The following HNRNPA2B1 variants were observed in gnomAD, a reference collection of about 807,000 sequenced individuals.
HNRNPA2B1 encodes heterogeneous nuclear ribonucleoprotein A2/B1.
A neutral mutation model predicts 46.3 loss-of-function variants in HNRNPA2B1; 3 were observed. The observed-to-expected ratio is 0.06, with a 90% CI of 0.03 to 0.17. The LOEUF is 0.17. Among genes scored for constraint, HNRNPA2B1 ranks in the 10% least tolerant of loss-of-function variants. The pLI is 1.00. For synonymous variants in HNRNPA2B1, 225 were observed against 133.8 expected (o/e 1.68, Z -4.70); for missense variants, 221 against 418.9 (o/e 0.53, Z 4.12).
At chr7:26,197,038 A>G in intron 3 of HNRNPA2B1, 21 bp from the exon 4 acceptor site, 2 of 1,573,298 alleles carry the variant, frequency 1.3e-6, no homozygotes, top group South Asian at 1.1e-5. Flanking sequence ...GGTGGGGTAA[A>G]AGTCATCCAA....
rs146346849 is a variant in HNRNPA2B1 at position 26,200,708 on chromosome 7, G to T, written c.-131C>A. 2 of 1,163,560 alleles carry T rather than the reference G, an allele frequency of 1.7e-6. No homozygotes were observed. Among genetic ancestry groups the T allele is most frequent in the African/African-American group, 1.5e-5 (1 of 66,466 alleles). 72.1% of individuals were successfully genotyped at this position (1,163,560 alleles called of 1,614,324 possible). ...GCCGCTGCTCGAGAAACAACTCTGCGAGGAGCACCTCCGCACGGGACCCGG... is the reference window on the plus strand; with the variant it reads ...GCCGCTGCTCGAGAAACAACTCTGCTAGGAGCACCTCCGCACGGGACCCGG... On this transcript the variant is annotated 5_prime_UTR_variant, in exon 1 of 11. Transcript: ENST00000618183.
At chr7:26,193,897 GCA>G (rs1414228935) in intron 7 of HNRNPA2B1, among the ~76,000 whole-genome samples, 5 of 152,142 alleles carry the variant, frequency 3.3e-5, no homozygotes, top group Non-Finnish European at 7.4e-5. Flanking sequence ...AACACCATGT[GCA>G]CACAGTTAAA....
rs896564745 is a variant in HNRNPA2B1, at chr7:26,190,975, A to G, written c.*1385T>C. ...AAATCTCATGATTTATTGAACTTGCAGCCTAACTTTTACCTACCATTTTAC... is the reference window on the plus strand; with the variant it reads ...AAATCTCATGATTTATTGAACTTGCGGCCTAACTTTTACCTACCATTTTAC... On this transcript the variant is annotated 3_prime_UTR_variant, in exon 11 of 11. Coordinates refer to ENST00000618183, the MANE Select transcript of HNRNPA2B1 (RefSeq NM_002137.4). The G allele has an allele frequency of 8.5e-5, 13 of 152,738 alleles. No homozygotes were observed. Among genetic ancestry groups the G allele is most frequent in the African/African-American group, 3.1e-4 (13 of 41,580 alleles). 9.5% of individuals were successfully genotyped at this position (152,738 alleles called of 1,614,324 possible). A position where few individuals can be genotyped will look rare whatever the true frequency, so the allele number is the denominator to read the frequency against.
chr7:26,191,638 G>A lies in HNRNPA2B1; in HGVS notation c.*722C>T, dbSNP rs1482727192. The A allele has an allele frequency of 1.3e-5, 2 of 152,134 alleles. No homozygotes were observed. Among genetic ancestry groups the A allele is most frequent in the Admixed American group, 1.3e-4 (2 of 15,272 alleles). 9.4% of individuals were successfully genotyped at this position (152,134 alleles called of 1,614,324 possible). ...TTCCTTTCCTTGCATTGAAGAAGCAGCATCTAAAAGATCTAAAAAGGTGTT... is the reference window on the plus strand; with the variant it reads ...TTCCTTTCCTTGCATTGAAGAAGCAACATCTAAAAGATCTAAAAAGGTGTT... On this transcript the variant is annotated 3_prime_UTR_variant, in exon 11 of 11. Coordinates refer to ENST00000618183, the MANE Select transcript of HNRNPA2B1 (RefSeq NM_002137.4).
At chr7:26,198,534 T>A (rs1233613151) in intron 1 of HNRNPA2B1, 1 of 152,066 alleles carries the variant, frequency 6.6e-6, no homozygotes, top group African/African-American at 2.4e-5. Flanking sequence ...TCACGTGGCA[T>A]AATCTCTAAG....
chr7:26,190,303 G>GT lies in HNRNPA2B1; in HGVS notation c.*2056dup, dbSNP rs1243203934. On this transcript the variant is annotated 3_prime_UTR_variant, in exon 11 of 11. Transcript: ENST00000618183. ...TTTATATCAAGAACCTCAACTAAAT[G>GT]TTTGTTTTATCAGAAAACATTTCCC... The GT allele has an allele frequency of 3.3e-5, 5 of 152,574 alleles. No homozygotes were observed. In the East Asian group the frequency reaches 7.7e-4, roughly 24 times the overall value. 9.5% of individuals were successfully genotyped at this position (152,574 alleles called of 1,614,324 possible). A position where few individuals can be genotyped will look rare whatever the true frequency, so the allele number is the denominator to read the frequency against.
intron 10 of HNRNPA2B1, 49 bp downstream of exon 10, chr7:26,192,446 G>C (rs376066830): frequency 1.6e-6 from 2 of 1,255,024 alleles, no homozygotes; most frequent in African/African-American, 1.5e-5. Context: ...TACTCCTGCA[G>C]CTATGTCTCC....
chr7:26,193,230 A>G (rs1783114354), intron 9 of HNRNPA2B1, 21 bp downstream of exon 9: 1 of 1,602,730 alleles, frequency 6.2e-7, no homozygotes, highest in East Asian at 2.2e-5. Context: ...AATCTGAATA[A>G]CCTCAATTTT....
At chr7:26,192,449 A>G (rs1406934694) in intron 10 of HNRNPA2B1, 46 bp downstream of exon 10, 15 of 1,283,518 alleles carry the variant, frequency 1.2e-5, no homozygotes, top group Non-Finnish European at 1.7e-5. Context: ...TCCTGCAGCT[A>G]TGTCTCCCAA....
chr7:26,200,460 A>C, intron 1 of HNRNPA2B1, 112 bp downstream of exon 1: 1 of 1,060,356 alleles, frequency 9.4e-7, no homozygotes, highest in East Asian at 2.4e-5. Context: ...CTGCTACTGA[A>C]TTGGTCCGAT....
intron 1 of HNRNPA2B1, 120 bp downstream of exon 1, chr7:26,200,452 G>A (rs1784301361): frequency 1.6e-5 from 16 of 977,930 alleles, no homozygotes; most frequent in South Asian, 6.4e-5. Flanking sequence ...AAGCCCCACT[G>A]CTACTGAATT....
chr7:26,191,317 CTA>C lies in HNRNPA2B1; in HGVS notation c.*1041_*1042del, dbSNP rs951870265. 1 of 151,988 alleles carries C rather than the reference CTA, an allele frequency of 6.6e-6. No homozygotes were observed. Among genetic ancestry groups the C allele is most frequent in the African/African-American group, 2.4e-5 (1 of 41,372 alleles). 9.4% of individuals were successfully genotyped at this position (151,988 alleles called of 1,614,324 possible). On this transcript the variant is annotated 3_prime_UTR_variant, in exon 11 of 11. Transcript: ENST00000618183. ...ATAAATTGTTAAACTCAATTTATAG[CTA>C]TGTTAAACTACGTAAGAACCACTAT...
At chr7:26,196,692 AATC>A in intron 4 of HNRNPA2B1, 34 bp from the exon 5 acceptor site, 2 of 1,585,854 alleles carry the variant, frequency 1.3e-6, no homozygotes, top group Admixed American at 1.7e-5. Flanking sequence ...TTTTAAATTA[AATC>A]AACAATATTA....
intron 1 of HNRNPA2B1, chr7:26,198,132 G>C: frequency 9.3e-6 from 3 of 320,888 alleles, no homozygotes; most frequent in Admixed American, 4.8e-5. Flanking sequence ...ACCTAAAAAC[G>C]CAAATTTCTA....
chr7:26,199,258 T>G (rs1206605578), intron 1 of HNRNPA2B1: 1 of 152,612 alleles, frequency 6.6e-6, no homozygotes, highest in African/African-American at 2.4e-5. Flanking sequence ...TAAACGTGCT[T>G]AGGGTCAAAG....
At chr7:26,194,756 C>A (rs1783324586) in intron 7 of HNRNPA2B1, among the ~76,000 whole-genome samples, 1 of 148,198 alleles carries the variant, frequency 6.7e-6, no homozygotes, top group African/African-American at 2.5e-5. Context: ...GAAGTGCGGA[C>A]ATAAACAAAA....
chr7:26,190,370 G>A lies in HNRNPA2B1; in HGVS notation c.*1990C>T, dbSNP rs1247121429. 4 of 152,480 alleles carry A rather than the reference G, an allele frequency of 2.6e-5. No individual in the cohort carries two copies. Among genetic ancestry groups the A allele is most frequent in the Non-Finnish European group, 5.9e-5 (4 of 67,992 alleles). 9.4% of individuals were successfully genotyped at this position (152,480 alleles called of 1,614,324 possible). ...GCTTTTTAAATGAAGGCACCAACAA[G>A]AACTACTTTCAGATGGTACAGAATT... On this transcript the variant is annotated 3_prime_UTR_variant, in exon 11 of 11. Coordinates refer to ENST00000618183, the MANE Select transcript of HNRNPA2B1 (RefSeq NM_002137.4).
chr7:26,195,191 A>G (rs1583981329), intron 7 of HNRNPA2B1, among the ~76,000 whole-genome samples: 2 of 151,746 alleles, frequency 1.3e-5, no homozygotes, highest in African/African-American at 4.8e-5. Context: ...AGCTTCCTCT[A>G]AAATTTTAAT....
Position 26,195,636 on chromosome 7 carries a change from C to T in HNRNPA2B1, c.721+211G>A, listed in dbSNP as rs1783495823. ...AAAGATGAGATACTCTGATGGTTAT[C>T]TTTACATTTTCATTTAAAATGGCAC... On this transcript the variant is annotated intron_variant, in intron 7 of 10. Coordinates refer to ENST00000618183, the MANE Select transcript of HNRNPA2B1 (RefSeq NM_002137.4). The T allele has an allele frequency of 5.5e-6, 3 of 543,360 alleles. No homozygotes were observed. The South Asian group carries it at 7.2e-5, about 13-fold the overall frequency. The allele number at this position is 543,360 out of a possible 1,614,324, so 33.7% of individuals were successfully genotyped here.
Sources: gnomAD v4.1 joint callset for allele counts (sites outside exome capture counted in the v4.1 genomes callset) on GRCh38, gnomAD v4.1.1 for gene constraint, MANE v1.5 for transcripts, NCBI Gene and HGNC (gene_info 2026-07-23, HGNC 2026-07-21) for gene names.